TEDC1: variants seen among roughly 807,000 people sequenced by gnomAD.
TEDC1 encodes tubulin epsilon and delta complex protein 1.
A neutral mutation model predicts 59.9 loss-of-function variants in TEDC1; 54 were observed. The ratio of observed to expected loss-of-function variants is 0.90; its 90% CI spans 0.72 to 1.13. The LOEUF (loss-of-function observed/expected upper bound fraction) is 1.13, where lower values mean the gene tolerates loss of function less well. Ranked by LOEUF, TEDC1 falls within the 50% of genes most tolerant of loss-of-function variation. The pLI is 0.00. For missense variants in TEDC1, 734 were observed against 683.4 expected (o/e 1.07, Z -0.83); for synonymous variants, 353 against 298.1 (o/e 1.18, Z -1.90).
intron 3 of TEDC1, 115 bp from the exon 4 acceptor site, chr14:105,492,464 C>G (rs1213571543): frequency 6.8e-7 from 1 of 1,466,028 alleles, no homozygotes; most frequent in African/African-American, 1.4e-5. Context: ...ACGGAGGCTC[C>G]CTGTGCAGGG....
chr14:105,492,551 G>A (rs1555439671), intron 3 of TEDC1, 28 bp from the exon 4 acceptor site: 3 of 1,532,054 alleles, frequency 2.0e-6, no homozygotes, highest in Admixed American at 4.0e-5. Flanking sequence ...TGGGGTGGGA[G>A]CAGGGCCTGA....
In TEDC1 at chr14:105,497,918, G is replaced by C; in HGVS notation, c.1099G>C (p.Ala367Pro). The C allele has an allele frequency of 1.3e-6, 2 of 1,551,558 alleles. No individual in the cohort carries two copies. The highest frequency in any genetic ancestry group is 2.4e-5 in the South Asian group (2 of 84,214). ...ELDLVVRELQ[A>P]LEEELREAAE... Reference sequence around the variant, plus strand: ...GGACCTGGTAGTGCGGGAGCTGCAGGCACTGGAGGAGGAGCTGCGGGAGGC... The same window carrying C: ...GGACCTGGTAGTGCGGGAGCTGCAGCCACTGGAGGAGGAGCTGCGGGAGGC... Residue 367 changes from alanine (A) to proline (P), a missense_variant, in exon 8 of 9, where the codon GCA (alanine) becomes CCA (proline). Physicochemically the swap from Ala to Pro is conservative, Grantham distance 27 (BLOSUM62 -1). Coordinates refer to ENST00000392523, the MANE Select transcript of TEDC1 (RefSeq NM_001367178.1).
rs1555439265 is a variant in TEDC1, at chr14:105,491,512, G to T, written c.137G>T (p.Arg46Leu). Reference protein sequence around the residue: ...PEIFRRAKFDRPEATSALWQL... With the variant: ...PEIFRRAKFDLPEATSALWQL... ...ATCTTCCGCCGCGCCAAGTTCGACC[G>T]TCCGGAGGCGGTGACGCTCTCGCGG... Residue 46 changes from arginine to leucine, a missense_variant, in exon 1 of 9, where the codon CGT (arginine) becomes CTT (leucine). Physicochemically the swap from Arg to Leu is moderately radical, Grantham distance 102 (BLOSUM62 -2). Coordinates refer to ENST00000392523, the MANE Select transcript of TEDC1 (RefSeq NM_001367178.1). 3 of 1,512,000 alleles carry T rather than the reference G, an allele frequency of 2.0e-6. No homozygotes were observed. The highest frequency in any genetic ancestry group is 2.7e-6 in the Non-Finnish European group (3 of 1,129,972). The allele number at this position is 1,512,000 out of a possible 1,614,324, so 93.7% of individuals were successfully genotyped here.
Position 105,491,414 on chromosome 14 carries a change from G to A in TEDC1, c.39G>A (p.Gly13=). Residue 13 remains glycine, a synonymous_variant, in exon 1 of 9, where the codon GGG becomes GGA. Transcript: ENST00000392523. Reference sequence around the variant, plus strand: ...GGCAGCGGGTGGACCCCGCGGCTGGGGCCCGGGCCGGGGCCCTGCCTGAGG... The same window carrying A: ...GGCAGCGGGTGGACCCCGCGGCTGGAGCCCGGGCCGGGGCCCTGCCTGAGG... The part of the protein sequence containing the change: ...RRRQRVDPAA[G]ARAGALPEAI... The A allele has an allele frequency of 7.0e-7, 1 of 1,418,632 alleles. No individual in the cohort carries two copies. Among genetic ancestry groups the A allele is most frequent in the Non-Finnish European group, 9.1e-7 (1 of 1,095,866 alleles). 87.9% of individuals were successfully genotyped at this position (1,418,632 alleles called of 1,614,324 possible).
Position 105,497,587 on chromosome 14 carries a change from C to G in TEDC1, c.978+144C>G. On this transcript the variant is annotated intron_variant, in intron 7 of 8. Coordinates refer to ENST00000392523, the MANE Select transcript of TEDC1 (RefSeq NM_001367178.1). Reference sequence around the variant, plus strand: ...CTAGTGTAGGCTCTTTCTAGGACTTCCACTCGCCTTCTGGGGAGGCTCACT... The same window carrying G: ...CTAGTGTAGGCTCTTTCTAGGACTTGCACTCGCCTTCTGGGGAGGCTCACT... 2.6e-6 allele frequency: 3 copies of G among 1,158,502 alleles called. No homozygotes were observed. In the South Asian group the frequency reaches 4.7e-5, roughly 18 times the overall value. 71.8% of individuals were successfully genotyped at this position (1,158,502 alleles called of 1,614,324 possible).
intron 2 of TEDC1, 71 bp downstream of exon 2, chr14:105,491,771 C>T (rs2084216864): frequency 1.4e-6 from 2 of 1,463,684 alleles, no homozygotes; most frequent in Non-Finnish European, 1.8e-6. Context: ...CCCCGCCTTC[C>T]CCAGTAAGCC....
intron 4 of TEDC1, 38 bp downstream of exon 4, chr14:105,492,772 C>T: frequency 6.5e-7 from 1 of 1,530,564 alleles, no homozygotes; most frequent in South Asian, 1.2e-5. Context: ...GGGGCTGTGT[C>T]CCGTGCTGCA....
rs75233636 is a variant in TEDC1, at chr14:105,498,101, T to C, written c.1158+124T>C. 12,024 of 1,209,938 alleles carry C rather than the reference T, an allele frequency of 9.9e-3. 1,936 individuals carry two copies. In the East Asian group the frequency reaches 0.22, roughly 22 times the overall value. 75.0% of individuals were successfully genotyped at this position (1,209,938 alleles called of 1,614,324 possible). A position where few individuals can be genotyped will look rare whatever the true frequency, so the allele number is the denominator to read the frequency against. ...TGTCAAGCATGGCAGGGGACACACT[T>C]AGAGGCACGTACCCTGAGGGAGCGG... On this transcript the variant is annotated intron_variant, in intron 8 of 8. Coordinates refer to ENST00000392523, the MANE Select transcript of TEDC1 (RefSeq NM_001367178.1).
intron 7 of TEDC1, 128 bp from the exon 8 acceptor site, chr14:105,497,670 A>T: frequency 7.9e-7 from 1 of 1,270,144 alleles, no homozygotes; most frequent in Non-Finnish European, 1.1e-6. Context: ...GCCTCCCTGG[A>T]CGTCACAGTT....
chr14:105,498,561 G>A lies in TEDC1; in HGVS notation c.1159-56G>A, dbSNP rs2084398513. 6 of 1,464,354 alleles carry A rather than the reference G, an allele frequency of 4.1e-6. No homozygotes were observed. In the South Asian group the frequency reaches 8.5e-5, roughly 21 times the overall value. 90.7% of individuals were successfully genotyped at this position (1,464,354 alleles called of 1,614,324 possible). ...AGTCTGGGCTCAGGGAATGCTCAGGGAGCCTGAGGCCAGTGTCCTGGGGGG... is the reference window on the plus strand; with the variant it reads ...AGTCTGGGCTCAGGGAATGCTCAGGAAGCCTGAGGCCAGTGTCCTGGGGGG... On this transcript the variant is annotated intron_variant, in intron 8 of 8. Transcript: ENST00000392523.
At chr14:105,494,248 C>A in intron 5 of TEDC1, 1 of 434,484 alleles carries the variant, frequency 2.3e-6, no homozygotes. Flanking sequence ...GAACACAGAT[C>A]TCAGGTGTGA....
In TEDC1 at chr14:105,497,351, T is replaced by C; in HGVS notation, c.892-6T>C. The stretch of plus-strand genomic sequence containing the variant: ...GGTTCTAGGCCAGCTGCCGTTTGCC[T>C]TCCAGCTGCTGCGGACTCTGGAGCG... On this transcript the variant is annotated splice_polypyrimidine_tract_variant and splice_region_variant and intron_variant, in intron 6 of 8. Transcript: ENST00000392523. 1 of 1,550,350 alleles carries C rather than the reference T, an allele frequency of 6.5e-7. No individual in the cohort carries two copies. Among genetic ancestry groups the C allele is most frequent in the East Asian group, 2.4e-5 (1 of 41,070 alleles).
At chr14:105,490,921 C>A, upstream of TEDC1, 2 of 1,069,624 alleles carry the variant, frequency 1.9e-6, no homozygotes, top group African/African-American at 1.6e-5. Context: ...GGCGGGGTGT[C>A]GGGTGTCGTG....
chr14:105,491,973 G>T, intron 2 of TEDC1, 134 bp from the exon 3 acceptor site: 1 of 1,006,366 alleles, frequency 9.9e-7, no homozygotes, highest in Admixed American at 2.2e-5. Flanking sequence ...CTGAGTTCTA[G>T]CTCTCCCACT....
chr14:105,491,298 C>T lies in TEDC1; in HGVS notation c.-78C>T, dbSNP rs2084199977. On this transcript the variant is annotated 5_prime_UTR_variant, in exon 1 of 9. Coordinates refer to ENST00000392523, the MANE Select transcript of TEDC1 (RefSeq NM_001367178.1). ...GCAGGTCCCAGCCGCCGCACTAAACCCGGCCCGTGCGGTGATTGGACGCAG... is the reference window on the plus strand; with the variant it reads ...GCAGGTCCCAGCCGCCGCACTAAACTCGGCCCGTGCGGTGATTGGACGCAG... 1.3e-6 allele frequency: 2 copies of T among 1,500,864 alleles called. No homozygotes were observed. The highest frequency in any genetic ancestry group is 1.4e-5 in the African/African-American group (1 of 72,272). The allele number at this position is 1,500,864 out of a possible 1,614,324, so 93.0% of individuals were successfully genotyped here.
chr14:105,492,928 G>T (rs2084250068), intron 4 of TEDC1, among the ~76,000 whole-genome samples, 194 bp downstream of exon 4: 1 of 152,180 alleles, frequency 6.6e-6, no homozygotes, highest in Non-Finnish European at 1.5e-5. Flanking sequence ...TGGGCAGGGA[G>T]CCCAGTGGGG....
rs2084384691 is a variant in TEDC1 at position 105,497,945 on chromosome 14, G to A, written c.1126G>A (p.Ala376Thr). Residue 376 changes from alanine (A) to threonine (T), a missense_variant, in exon 8 of 9, where the codon GCG (alanine) becomes ACG (threonine). Transcript: ENST00000392523. ...ACTGGAGGAGGAGCTGCGGGAGGCT[G>A]CGGAGCGCAGGCGGGCGGCCTGGGA... Reference protein sequence around the residue: ...QALEEELREAAERRRAAWEAK... With the variant: ...QALEEELREATERRRAAWEAK... 1.9e-6 allele frequency: 3 copies of A among 1,543,418 alleles called. No individual in the cohort carries two copies. Among genetic ancestry groups the A allele is most frequent in the South Asian group, 2.4e-5 (2 of 83,830 alleles).
Position 105,493,826 on chromosome 14 carries a change from C to T in TEDC1, c.586-9C>T. On this transcript the variant is annotated splice_polypyrimidine_tract_variant and intron_variant, in intron 4 of 8. Coordinates refer to ENST00000392523, the MANE Select transcript of TEDC1 (RefSeq NM_001367178.1). Reference sequence around the variant, plus strand: ...CCACTCAGCCTGGGGTCTGCACTACCTGTTTTAGATCCACCTGTACACACG... The same window carrying T: ...CCACTCAGCCTGGGGTCTGCACTACTTGTTTTAGATCCACCTGTACACACG... The T allele has an allele frequency of 1.2e-6, 2 of 1,601,950 alleles. No individual in the cohort carries two copies. The highest frequency in any genetic ancestry group is 1.7e-6 in the Non-Finnish European group (2 of 1,175,244).
chr14:105,498,085 T>A (rs969756453), intron 8 of TEDC1, 108 bp downstream of exon 8: 108 of 1,322,588 alleles, frequency 8.2e-5, no homozygotes, highest in Non-Finnish European at 1.1e-4. Flanking sequence ...TTGTCAAGCA[T>A]GGCAGGGGAC....
Sources: allele counts gnomAD v4.1 joint callset (sites outside exome capture counted in the v4.1 genomes callset), GRCh38; gene constraint gnomAD v4.1.1; transcripts MANE v1.5; gene names NCBI Gene and HGNC (gene_info 2026-07-23, HGNC 2026-07-21).